The following KICS2 variants were observed in gnomAD, a reference collection of about 807,000 sequenced individuals.
KICS2 encodes KICSTOR complex protein C12orf66.
A neutral mutation model predicts 31.4 loss-of-function variants in KICS2; 13 were observed. The ratio of observed to expected loss-of-function variants is 0.41; its 90% CI spans 0.27 to 0.66. The LOEUF (loss-of-function observed/expected upper bound fraction) is 0.66. Among genes scored for constraint, KICS2 ranks in the 30% least tolerant of loss-of-function variants. The probability of loss-of-function intolerance (pLI) is 0.28; values close to 1 mark genes in which losing one functional copy is unlikely to be tolerated. For missense variants in KICS2, 455 were observed against 545.4 expected, an observed-to-expected ratio of 0.83 and a Z score of 1.65; for synonymous variants, 209 against 214.8, an observed-to-expected ratio of 0.97 and a Z score of 0.24.
chr12:64,194,706 G>A, intron 2 of KICS2, 48 bp from the exon 3 acceptor site: 2 of 1,529,120 alleles, frequency 1.3e-6, no homozygotes, highest in Non-Finnish European at 1.8e-6. Flanking sequence ...TACTTCACTT[G>A]CCACACTGAC....
At chr12:64,189,815 G>T (rs1043910546), downstream of KICS2, among the ~76,000 whole-genome samples, 1 of 151,980 alleles carries the variant, frequency 6.6e-6, no homozygotes, top group African/African-American at 2.4e-5. Context: ...GAATACAAGA[G>T]AAATAAAAAC....
At chr12:64,202,181 G>A (rs1239913983) in intron 2 of KICS2, among the ~76,000 whole-genome samples, 2 of 152,136 alleles carry the variant, frequency 1.3e-5, no homozygotes, top group East Asian at 1.9e-4. Context: ...GAGGCAGGTG[G>A]ACTGCTTGAG....
At position 64,192,246 on chromosome 12, in the gene KICS2, TCCAGAGTAA is replaced by T. The variant is rs1464467169; in HGVS notation, c.*1587_*1595del. On this transcript the variant is annotated 3_prime_UTR_variant, in exon 3 of 3. Transcript: ENST00000398055. ...TTCAAGCAATTCTCCTGCCTCAGCC[TCCAGAGTAA>T]CTGGGATTACAGTCACCCGTCACTA... 2.6e-5 allele frequency: 4 copies of T among 151,996 alleles called. No individual in the cohort carries two copies. Among genetic ancestry groups the T allele is most frequent in the African/African-American group, 9.7e-5 (4 of 41,322 alleles). The allele number at this position is 151,996 out of a possible 1,614,324, so 9.4% of individuals were successfully genotyped here. A position where few individuals can be genotyped will look rare whatever the true frequency, so the allele number is the denominator to read the frequency against.
chr12:64,201,607 A>T (rs1306180824), intron 2 of KICS2, among the ~76,000 whole-genome samples: 24 of 55,214 alleles, frequency 4.3e-4, no homozygotes, highest in Non-Finnish European at 6.2e-4. Context: ...AAGTATAATA[A>T]AAAAAAAAAA....
At chr12:64,196,622 G>C (rs2037442284) in intron 2 of KICS2, among the ~76,000 whole-genome samples, 2 of 150,666 alleles carry the variant, frequency 1.3e-5, no homozygotes, top group South Asian at 4.2e-4. Context: ...CGAGCTGAGA[G>C]AAGAAGGCTT....
intron 2 of KICS2, among the ~76,000 whole-genome samples, chr12:64,211,408 G>C (rs1407429229): frequency 1.3e-5 from 2 of 152,098 alleles, no homozygotes; most frequent in African/African-American, 4.8e-5. Flanking sequence ...TTGAGGTCAG[G>C]AGTTCAAGAC....
downstream of KICS2, among the ~76,000 whole-genome samples, chr12:64,190,015 AACC>A (rs1269145007): frequency 2.6e-5 from 4 of 152,190 alleles, no homozygotes; most frequent in African/African-American, 9.6e-5. Flanking sequence ...TGATGCTATC[AACC>A]AACCATAAAA....
At position 64,194,118 on chromosome 12, in the gene KICS2, G is replaced by A. The variant is rs370394947; in HGVS notation, c.1062C>T (p.Ser354=). ...DQYPAVVSLP[S]DRPVMHWPNV... is the part of the protein sequence containing the mutation. ...TGGGCCAGTGCATGACTGGCCTGTCGCTGGGCAGAGACACTACAGCTGGAT... is the reference window on the plus strand; with the variant it reads ...TGGGCCAGTGCATGACTGGCCTGTCACTGGGCAGAGACACTACAGCTGGAT... The change falls in exon 3 of 3, where the codon AGC becomes AGT. Residue 354 remains serine (S), a synonymous_variant. Transcript: ENST00000398055. 2.5e-5 allele frequency: 40 copies of A among 1,614,134 alleles called. No individual in the cohort carries two copies. The highest frequency in any genetic ancestry group is 2.3e-4 in the Admixed American group (14 of 60,010).
chr12:64,187,502 T>G, downstream of KICS2: 1 of 826,138 alleles, frequency 1.2e-6, no homozygotes, highest in Non-Finnish European at 1.9e-6. Context: ...AAGGCATTAA[T>G]GAAACCTTAC....
chr12:64,215,416 C>T (rs949198896), intron 2 of KICS2, among the ~76,000 whole-genome samples: 1 of 152,090 alleles, frequency 6.6e-6, no homozygotes, highest in African/African-American at 2.4e-5. Flanking sequence ...TCCTAAGCAG[C>T]AAAATCGGTT....
Position 64,193,983 on chromosome 12 carries a change from T to C in KICS2, c.1197A>G (p.Glu399=). The C allele has an allele frequency of 6.2e-7, 1 of 1,614,130 alleles. No individual in the cohort carries two copies. Reference sequence around the variant, plus strand: ...AAATGATGACAATGGTAAAGTGAGGTTCCGGGCGGGTTAGGAAGTAGGTAC... The same window carrying C: ...AAATGATGACAATGGTAAAGTGAGGCTCCGGGCGGGTTAGGAAGTAGGTAC... ...VQSTYFLTRP[E]PHFTIVIIFE... is the part of the protein sequence containing the mutation. Residue 399 remains glutamate (E), a synonymous_variant, in exon 3 of 3, where the codon GAA becomes GAG. Transcript: ENST00000398055.
intron 2 of KICS2, among the ~76,000 whole-genome samples, chr12:64,207,123 G>A (rs545433684): frequency 3.3e-5 from 5 of 151,868 alleles, no homozygotes; most frequent in South Asian, 2.1e-4. Flanking sequence ...TGGGCAACAC[G>A]GCAAAACCCC....
At chr12:64,212,110 G>A (rs907730857) in intron 2 of KICS2, among the ~76,000 whole-genome samples, 13 of 151,416 alleles carry the variant, frequency 8.6e-5, no homozygotes, top group African/African-American at 2.9e-4. Context: ...TAAAGGTGAA[G>A]GACAGTTATA....
In KICS2 at chr12:64,191,230, G is replaced by A. The variant is rs935940908; in HGVS notation, c.*2612C>T. On this transcript the variant is annotated 3_prime_UTR_variant, in exon 3 of 3. Transcript: ENST00000398055. Reference sequence around the variant, plus strand: ...TATAATTAGAAAACTTTATTGAAGAGCTTCAGAAATAATTTAAGTATCAAT... The same window carrying A: ...TATAATTAGAAAACTTTATTGAAGAACTTCAGAAATAATTTAAGTATCAAT... The A allele has an allele frequency of 6.6e-6, 1 of 151,686 alleles. No individual in the cohort carries two copies. The highest frequency in any genetic ancestry group is 2.1e-4 in the South Asian group (1 of 4,826). 9.4% of individuals were successfully genotyped at this position (151,686 alleles called of 1,614,324 possible). A position where few individuals can be genotyped will look rare whatever the true frequency, so the allele number is the denominator to read the frequency against.
intron 2 of KICS2, among the ~76,000 whole-genome samples, chr12:64,205,565 A>T (rs142709005): frequency 1.3e-5 from 2 of 150,656 alleles, no homozygotes; most frequent in African/African-American, 4.9e-5. Flanking sequence ...AGAATAAATT[A>T]ACAACTATTT....
At chr12:64,210,545 G>A (rs1027885547) in intron 2 of KICS2, among the ~76,000 whole-genome samples, 6 of 152,190 alleles carry the variant, frequency 3.9e-5, no homozygotes, top group Admixed American at 3.3e-4. Flanking sequence ...GAAGGCCAAG[G>A]CAGGAGGATG....
At chr12:64,205,724 G>A (rs746900466) in intron 2 of KICS2, among the ~76,000 whole-genome samples, 4 of 140,258 alleles carry the variant, frequency 2.9e-5, no homozygotes, top group Non-Finnish European at 6.2e-5. Flanking sequence ...AAGGGAGGGA[G>A]GGAGGAAAAA....
rs75825138 is a variant in KICS2 at position 64,213,932 on chromosome 12, T to C, written c.521+1746A>G. Among the ~76,000 whole-genome samples the C allele has an allele frequency of 9.5e-3, 1,454 of 152,312 alleles. 25 individuals carry two copies. Among genetic ancestry groups the C allele is most frequent in the African/African-American group, 0.032 (1,329 of 41,568 alleles). On this transcript the variant is annotated intron_variant, in intron 2 of 2. Transcript: ENST00000398055. ...CCTGCCATCCTGTTGACAAGACTTA[T>C]AGACTTCTTGTCAGCATCTCCTATC...
chr12:64,221,918 G>C, intron 1 of KICS2, 85 bp downstream of exon 1: 2 of 1,398,084 alleles, frequency 1.4e-6, no homozygotes, highest in Admixed American at 2.3e-5. Flanking sequence ...GTGACACAGA[G>C]ACGGGAAACC....
Sources: allele counts gnomAD v4.1 joint callset (sites outside exome capture counted in the v4.1 genomes callset), GRCh38; gene constraint gnomAD v4.1.1; transcripts MANE v1.5; gene names NCBI Gene and HGNC (gene_info 2026-07-23, HGNC 2026-07-21).